The following TTC23L variants were observed in gnomAD, a reference collection of about 807,000 sequenced individuals.
TTC23L encodes the protein tetratricopeptide repeat protein 23-like.
In TTC23L, 42 loss-of-function variants were observed where a neutral mutation model predicts 48.1. The ratio of observed to expected loss-of-function variants is 0.87; its 90% CI spans 0.68 to 1.13. The LOEUF is 1.13. Among genes scored for constraint, TTC23L ranks in the 50% most tolerant of loss-of-function variants. TTC23L has a pLI of 0.00. For synonymous variants in TTC23L, 159 were observed against 157.2 expected (o/e 1.01, Z -0.09); for missense variants, 391 against 421.0 (o/e 0.93, Z 0.62).
the TTC23L span, chr5:34,916,177 G>T: frequency 3.3e-6 from 1 of 303,698 alleles, no homozygotes; most frequent in East Asian, 5.8e-5. Flanking sequence ...CTTACTAGTT[G>T]TTCAGTTGTT....
intron 9 of TTC23L, among the ~76,000 whole-genome samples, chr5:34,886,996 G>A (rs1762583536): frequency 6.6e-6 from 1 of 152,160 alleles, no homozygotes; most frequent in African/African-American, 2.4e-5. Flanking sequence ...TGAATCTAAA[G>A]GCTTAGTAAA....
chr5:34,895,344 TA>T (rs1763147536), intron 9 of TTC23L, among the ~76,000 whole-genome samples: 1 of 152,226 alleles, frequency 6.6e-6, no homozygotes, highest in African/African-American at 2.4e-5. Flanking sequence ...TAAATGAGAT[TA>T]TTTACATAAA....
At chr5:34,849,555 C>G (rs923989527) in intron 3 of TTC23L, among the ~76,000 whole-genome samples, 7 of 152,132 alleles carry the variant, frequency 4.6e-5, no homozygotes, top group African/African-American at 1.7e-4. Flanking sequence ...ACAGTGTGGA[C>G]AGTCAAACAA....
At chr5:34,886,657 C>A (rs1762563900) in intron 9 of TTC23L, among the ~76,000 whole-genome samples, 1 of 152,176 alleles carries the variant, frequency 6.6e-6, no homozygotes, top group Non-Finnish European at 1.5e-5. Context: ...CCCTTCCCTT[C>A]CATTTCATTC....
At chr5:34,907,882 GAA>G in the TTC23L span, 2 of 151,444 alleles carry the variant, frequency 1.3e-5, no homozygotes, top group African/African-American at 4.8e-5. Context: ...TGCTATTAAA[GAA>G]AAAAAAAGTT....
the TTC23L span, chr5:34,913,418 T>C: frequency 3.7e-6 from 4 of 1,072,682 alleles, no homozygotes; most frequent in Non-Finnish European, 5.3e-6. Context: ...TCCTGTATTT[T>C]TCTGACCACT....
intron 4 of TTC23L, among the ~76,000 whole-genome samples, chr5:34,855,104 G>A (rs1232966553): frequency 6.6e-6 from 1 of 152,084 alleles, no homozygotes; most frequent in African/African-American, 2.4e-5. Flanking sequence ...GGAGACAGCA[G>A]TAAGCAGCCT....
chr5:34,895,375 G>T (rs1024202573), intron 9 of TTC23L, among the ~76,000 whole-genome samples: 2 of 152,176 alleles, frequency 1.3e-5, no homozygotes, highest in Non-Finnish European at 2.9e-5. Flanking sequence ...ACAGTATCTG[G>T]TATACTGTTA....
intron 4 of TTC23L, among the ~76,000 whole-genome samples, chr5:34,859,660 C>A (rs904210074): frequency 2.0e-5 from 3 of 152,030 alleles, no homozygotes; most frequent in Non-Finnish European, 4.4e-5. Flanking sequence ...AAGAAGCTGG[C>A]GTCTTCATCT....
intron 4 of TTC23L, among the ~76,000 whole-genome samples, chr5:34,859,115 T>G (rs1429770367): frequency 6.6e-6 from 1 of 152,108 alleles, no homozygotes; most frequent in Non-Finnish European, 1.5e-5. Context: ...CCAGAAGGAG[T>G]GTCCGCTCAT....
chr5:34,900,132 C>T (rs1763466304), downstream of TTC23L, among the ~76,000 whole-genome samples: 1 of 152,142 alleles, frequency 6.6e-6, no homozygotes, highest in Non-Finnish European at 1.5e-5. Flanking sequence ...CTGAACAATG[C>T]AGGGGCTAGG....
chr5:34,905,208 G>A, the TTC23L span: 2 of 152,148 alleles, frequency 1.3e-5, no homozygotes, highest in South Asian at 4.1e-4. Context: ...CAAAGAGAAT[G>A]AAAGCAAATT....
At chr5:34,869,053 C>T in intron 8 of TTC23L, 40 bp downstream of exon 8, 2 of 1,491,772 alleles carry the variant, frequency 1.3e-6, no homozygotes, top group Non-Finnish European at 1.8e-6. Context: ...TTCCCAGTCA[C>T]ATGAGGGAAG....
chr5:34,842,373 G>A (rs1401317503), intron 2 of TTC23L, among the ~76,000 whole-genome samples: 1 of 150,374 alleles, frequency 6.7e-6, no homozygotes, highest in African/African-American at 2.4e-5. Context: ...AGACAGAGTT[G>A]TGGAGCACCA....
rs572745400 is a variant in TTC23L at position 34,840,208 on chromosome 5, G to T, written c.-7-457G>T. 4.2e-4 allele frequency among the ~76,000 whole-genome samples: 50 copies of T among 119,144 alleles called. 1 individual carries two copies. The highest frequency in any genetic ancestry group is 1.5e-3 in the African/African-American group (45 of 30,744). 78.2% of individuals were successfully genotyped at this position (119,144 alleles called of 152,430 possible). A position where few individuals can be genotyped will look rare whatever the true frequency, so the allele number is the denominator to read the frequency against. ...TACCCGCCTCGTGACCCCTGTACTA[G>T]AATCTGCTATTAATTAGTGAAATGA... is the stretch of plus-strand genomic sequence containing the variant. On this transcript the variant is annotated intron_variant, in intron 1 of 10. Transcript: ENST00000505624.
rs572660867 is a variant in TTC23L, at chr5:34,884,523, TAC to T, written c.1077+4235_1077+4236del. Among the ~76,000 whole-genome samples, 386 of 148,358 alleles carry T rather than the reference TAC, an allele frequency of 2.6e-3. 3 individuals carry two copies. Among genetic ancestry groups the T allele is most frequent in the African/African-American group, 8.2e-3 (331 of 40,548 alleles). On this transcript the variant is annotated intron_variant, in intron 9 of 10. Transcript: ENST00000505624. The stretch of plus-strand genomic sequence containing the variant: ...TATGTAGAAAACCCTAATGATCACA[TAC>T]ACACACACACACACACACAAACACA...
chr5:34,908,151 T>C, the TTC23L span: 1 of 149,644 alleles, frequency 6.7e-6, no homozygotes, highest in African/African-American at 2.4e-5. Flanking sequence ...GGTAGCTGCA[T>C]CAAACTTTAA....
the TTC23L span, among the ~76,000 whole-genome samples, chr5:34,904,572 AAC>A: frequency 6.6e-6 from 1 of 151,514 alleles, no homozygotes; most frequent in Admixed American, 6.6e-5. Context: ...CCAGCCTGGC[AAC>A]AGAGTGGGAC....
chr5:34,890,225 A>G (rs1176495077), intron 9 of TTC23L, among the ~76,000 whole-genome samples: 2 of 151,820 alleles, frequency 1.3e-5, no homozygotes, highest in African/African-American at 4.8e-5. Flanking sequence ...CTGGTGGATC[A>G]CTTGAGCTCA....
Sources: gnomAD v4.1 joint callset for allele counts (sites outside exome capture counted in the v4.1 genomes callset) on GRCh38, gnomAD v4.1.1 for gene constraint, MANE v1.5 for transcripts, NCBI Gene and HGNC (gene_info 2026-07-23, HGNC 2026-07-21) for gene names.